Variants in RSPO2 observed in about 807,000 individuals in gnomAD.
RSPO2 encodes the protein R-spondin 2, also known as R-spondin-2.
A neutral mutation model predicts 30.9 loss-of-function variants in RSPO2; 14 were observed. The ratio of observed to expected loss-of-function variants is 0.45; its 90% CI spans 0.30 to 0.71. RSPO2 has a LOEUF of 0.71. Ranked by LOEUF, RSPO2 falls within the 30% of genes least tolerant of loss-of-function variation. RSPO2 has a pLI of 0.08. For synonymous variants in RSPO2, 107 were observed against 96.4 expected, an observed-to-expected ratio of 1.11 and a Z score of -0.64; for missense variants, 264 against 301.9, an observed-to-expected ratio of 0.87 and a Z score of 0.93.
intron 2 of RSPO2, among the ~76,000 whole-genome samples, chr8:108,053,555 T>C (rs992238146): frequency 6.6e-6 from 1 of 152,170 alleles, no homozygotes; most frequent in African/African-American, 2.4e-5. Flanking sequence ...AAAGCAGACA[T>C]TACTTCTCTG....
intron 5 of RSPO2, among the ~76,000 whole-genome samples, chr8:107,914,811 G>A (rs1299147417): frequency 6.6e-6 from 1 of 152,124 alleles, no homozygotes; most frequent in African/African-American, 2.4e-5. Flanking sequence ...AGATCAATAT[G>A]TAAGTGTATT....
intron 5 of RSPO2, among the ~76,000 whole-genome samples, chr8:107,914,094 T>A (rs981560173): frequency 1.3e-5 from 2 of 152,122 alleles, no homozygotes; most frequent in African/African-American, 4.8e-5. Context: ...ACTACCATAA[T>A]TTTAGTAAAA....
At chr8:107,994,139 G>A (rs114648827) in intron 2 of RSPO2, among the ~76,000 whole-genome samples, 1 of 152,198 alleles carries the variant, frequency 6.6e-6, no homozygotes, top group African/African-American at 2.4e-5. Flanking sequence ...TGATGGAAAT[G>A]TGCTATATCT....
intron 2 of RSPO2, among the ~76,000 whole-genome samples, chr8:108,014,614 T>C (rs1810817319): frequency 6.6e-6 from 1 of 151,832 alleles, no homozygotes; most frequent in South Asian, 2.1e-4. Context: ...AAACACCGCA[T>C]GTTCTCATTC....
intron 5 of RSPO2, among the ~76,000 whole-genome samples, chr8:107,941,092 CA>C (rs1211388566): frequency 1.3e-5 from 2 of 151,958 alleles, no homozygotes; most frequent in South Asian, 4.2e-4. Context: ...TCTTACCCCC[CA>C]AAAAAATGTA....
intron 2 of RSPO2, among the ~76,000 whole-genome samples, chr8:108,001,042 ATT>A (rs1439147413): frequency 2.0e-4 from 31 of 151,222 alleles, no homozygotes; most frequent in African/African-American, 7.5e-4. Context: ...AATAAAAAAA[ATT>A]AGCCAGGCGT....
chr8:108,028,905 A>G (rs1427788212), intron 2 of RSPO2, among the ~76,000 whole-genome samples: 1 of 152,112 alleles, frequency 6.6e-6, no homozygotes, highest in African/African-American at 2.4e-5. Context: ...CACATTGTAC[A>G]GGGCCTTGCA....
intron 2 of RSPO2, among the ~76,000 whole-genome samples, chr8:108,070,468 A>AT (rs748011945): frequency 3.3e-5 from 5 of 151,346 alleles, no homozygotes; most frequent in Non-Finnish European, 7.4e-5. Flanking sequence ...AATTTTTTGT[A>AT]TTTTTAGTAG....
chr8:107,948,859 C>CA (rs200850030), intron 5 of RSPO2, among the ~76,000 whole-genome samples: 3,711 of 145,598 alleles, frequency 0.025, 173 homozygotes, highest in African/African-American at 0.085. Flanking sequence ...GACTCCATCT[C>CA]AAAAAAAAAA....
At chr8:108,080,365 C>T (rs1813155946) in intron 2 of RSPO2, among the ~76,000 whole-genome samples, 1 of 151,788 alleles carries the variant, frequency 6.6e-6, no homozygotes, top group African/African-American at 2.4e-5. Context: ...TTTTTTTTTA[C>T]ACCCTTACCA....
intron 5 of RSPO2, among the ~76,000 whole-genome samples, chr8:107,931,443 C>T (rs1812550875): frequency 6.6e-6 from 1 of 152,092 alleles, no homozygotes; most frequent in Non-Finnish European, 1.5e-5. Context: ...GTTATCACTA[C>T]ATATTACTTT....
At chr8:108,069,975 T>A (rs1812788341) in intron 2 of RSPO2, among the ~76,000 whole-genome samples, 1 of 152,246 alleles carries the variant, frequency 6.6e-6, no homozygotes, top group African/African-American at 2.4e-5. Flanking sequence ...CTGTATGGTA[T>A]AACCCATGCT....
intron 5 of RSPO2, among the ~76,000 whole-genome samples, chr8:107,947,730 C>T (rs542306015): frequency 3.9e-5 from 6 of 152,228 alleles, no homozygotes; most frequent in Admixed American, 6.5e-5. Context: ...CAGCTTTCTA[C>T]TGAAACACCT....
chr8:108,028,740 A>G (rs1373593090), intron 2 of RSPO2, among the ~76,000 whole-genome samples: 3 of 152,174 alleles, frequency 2.0e-5, no homozygotes, highest in African/African-American at 4.8e-5. Flanking sequence ...TCTATTGCCA[A>G]CTTTACAGGT....
intron 3 of RSPO2, among the ~76,000 whole-genome samples, chr8:107,969,201 T>C (rs1429836663): frequency 1.3e-5 from 2 of 152,144 alleles, no homozygotes; most frequent in Non-Finnish European, 2.9e-5. Context: ...ACGTAGGCTG[T>C]GATTTAAATC....
chr8:107,940,622 AT>A (rs1382662708), intron 5 of RSPO2, among the ~76,000 whole-genome samples: 3 of 152,224 alleles, frequency 2.0e-5, no homozygotes, highest in Non-Finnish European at 4.4e-5. Flanking sequence ...GCCCAAGGCC[AT>A]TTAGCATCTG....
chr8:108,064,561 A>T (rs371385144), intron 2 of RSPO2, among the ~76,000 whole-genome samples: 14 of 152,208 alleles, frequency 9.2e-5, no homozygotes, highest in South Asian at 2.1e-4. Flanking sequence ...AGGAACACTT[A>T]TACACTGTTG....
intron 2 of RSPO2, among the ~76,000 whole-genome samples, chr8:107,993,858 T>C (rs1470936406): frequency 6.6e-6 from 1 of 152,190 alleles, no homozygotes; most frequent in Non-Finnish European, 1.5e-5. Context: ...CATTGTCTTA[T>C]GCCTTCTTCT....
intron 2 of RSPO2, chr8:107,997,119 A>G (rs932971394): frequency 2.6e-5 from 6 of 228,914 alleles, no homozygotes; most frequent in African/African-American, 7.0e-5. Flanking sequence ...AGACTTTTCC[A>G]TTTAATTCAC....
Sources: gnomAD v4.1 joint callset for allele counts (sites outside exome capture counted in the v4.1 genomes callset) on GRCh38, gnomAD v4.1.1 for gene constraint, MANE v1.5 for transcripts, NCBI Gene and HGNC (gene_info 2026-07-23, HGNC 2026-07-21) for gene names.